The following TSNAX variants were observed in gnomAD, a reference collection of about 807,000 sequenced individuals.
The protein encoded by TSNAX is translin associated factor X.
In TSNAX, 12 loss-of-function variants were observed where a neutral mutation model predicts 33.0. The ratio of observed to expected loss-of-function variants is 0.36; its 90% CI spans 0.23 to 0.59. TSNAX has a LOEUF of 0.59. Ranked by LOEUF, TSNAX falls within the 20% of genes least tolerant of loss-of-function variation. The pLI is 0.74. For missense variants in TSNAX, 267 were observed against 341.3 expected (o/e 0.78, Z 1.72); for synonymous variants, 110 against 117.2 (o/e 0.94, Z 0.40).
rs1485228540 is a variant in TSNAX at position 231,528,833 on chromosome 1, T to A, written c.16+7T>A. ...GACATGAGCAACAAAGAAGGTGGCG[T>A]CCTTAACAACACGGGGCGTTATTTA... On this transcript the variant is annotated splice_region_variant and intron_variant, in intron 1 of 5. Coordinates refer to ENST00000366639, the MANE Select transcript of TSNAX (RefSeq NM_005999.3). The A allele has an allele frequency of 1.9e-6, 3 of 1,614,134 alleles. No individual in the cohort carries two copies. Among genetic ancestry groups the A allele is most frequent in the East Asian group, 2.2e-5 (1 of 44,876 alleles).
chr1:231,531,184 C>G (rs1311681243), intron 2 of TSNAX, among the ~76,000 whole-genome samples: 2 of 151,988 alleles, frequency 1.3e-5, no homozygotes, highest in Non-Finnish European at 2.9e-5. Flanking sequence ...GTCTTGATCT[C>G]CGAGCTCAAG....
At chr1:231,557,563 G>A (rs563312919) in intron 4 of TSNAX, among the ~76,000 whole-genome samples, 1 of 152,300 alleles carries the variant, frequency 6.6e-6, no homozygotes, top group South Asian at 2.1e-4. Context: ...AAGAAACTTA[G>A]CTCTGAGGAG....
intron 5 of TSNAX, 119 bp from the exon 6 acceptor site, chr1:231,564,409 T>G (rs753637216): frequency 2.0e-4 from 297 of 1,473,812 alleles, no homozygotes; most frequent in Non-Finnish European, 2.5e-4. Flanking sequence ...TATGACTGAT[T>G]TGCTATTGAT....
intron 4 of TSNAX, among the ~76,000 whole-genome samples, chr1:231,546,361 T>G (rs980763694): frequency 1.3e-5 from 2 of 152,232 alleles, no homozygotes; most frequent in African/African-American, 2.4e-5. Context: ...GAAAGCAAGT[T>G]TCCAGGAGCT....
chr1:231,530,749 G>A (rs184214291), intron 2 of TSNAX, among the ~76,000 whole-genome samples: 129 of 150,316 alleles, frequency 8.6e-4, no homozygotes, highest in African/African-American at 2.9e-3. Context: ...TTAGTTGGTC[G>A]TAGTGGGAGG....
chr1:231,554,377 G>A (rs907299121), intron 4 of TSNAX, among the ~76,000 whole-genome samples: 5 of 152,070 alleles, frequency 3.3e-5, no homozygotes, highest in Admixed American at 6.5e-5. Flanking sequence ...AGGAATTTAC[G>A]GGAAAAAGTT....
intron 4 of TSNAX, among the ~76,000 whole-genome samples, chr1:231,547,841 C>CTT (rs35520639): frequency 0.032 from 3,973 of 123,826 alleles, 261 homozygotes; most frequent in African/African-American, 0.11. Context: ...CCATTGCTTT[C>CTT]TTTTTTTTTT....
chr1:231,564,669 A>AC lies in TSNAX; in HGVS notation c.642dup (p.Phe215LeufsTer2), dbSNP rs749590199. On this transcript the variant is annotated frameshift_variant, in exon 6 of 6. Coordinates refer to ENST00000366639, the MANE Select transcript of TSNAX (RefSeq NM_005999.3). LOFTEE classifies it high-confidence loss of function. ...CAGTGTGGGGAATGGGGACATTGAT[A>AC]CCCCCTTTGAAGTGAGCCAGTTTTT... 2 of 1,613,834 alleles carry AC rather than the reference A, an allele frequency of 1.2e-6. No homozygotes were observed. The highest frequency in any genetic ancestry group is 1.1e-5 in the South Asian group (1 of 91,068).
chr1:231,551,171 A>AT lies in TSNAX; in HGVS notation c.367+8563dup, dbSNP rs544808560. 3.9e-3 allele frequency among the ~76,000 whole-genome samples: 587 copies of AT among 152,344 alleles called. 4 individuals carry two copies. Among genetic ancestry groups the AT allele is most frequent in the Middle Eastern group, 0.014 (4 of 294 alleles). On this transcript the variant is annotated intron_variant, in intron 4 of 5. Coordinates refer to ENST00000366639, the MANE Select transcript of TSNAX (RefSeq NM_005999.3). Reference sequence around the variant, plus strand: ...AGGTAGTTGAAAGTGCAGATGAGTTATTTAAGTGGCTATTATAAGGATTAA... The same window carrying AT: ...AGGTAGTTGAAAGTGCAGATGAGTTATTTTAAGTGGCTATTATAAGGATTAA...
At chr1:231,555,051 G>C (rs1397373653) in intron 4 of TSNAX, among the ~76,000 whole-genome samples, 1 of 152,110 alleles carries the variant, frequency 6.6e-6, no homozygotes, top group African/African-American at 2.4e-5. Context: ...TTTGTTGAGG[G>C]CTTCTGGGTG....
intron 4 of TSNAX, among the ~76,000 whole-genome samples, chr1:231,553,014 T>C (rs12077872): frequency 0.013 from 1,984 of 152,344 alleles, 35 homozygotes; most frequent in African/African-American, 0.045. Context: ...TTGGGTTGTT[T>C]ATACTTTTTG....
chr1:231,565,505 C>G lies in TSNAX; in HGVS notation c.*600C>G, dbSNP rs1196028141. The G allele has an allele frequency of 1.3e-5, 2 of 152,492 alleles. No homozygotes were observed. The highest frequency in any genetic ancestry group is 2.9e-5 in the Non-Finnish European group (2 of 68,288). 9.4% of individuals were successfully genotyped at this position (152,492 alleles called of 1,614,324 possible). Reference sequence around the variant, plus strand: ...CTTTGGGAGGCCGAGGTAGGCAGATCACGAGGTCAAGAGATCAAGACCAGC... The same window carrying G: ...CTTTGGGAGGCCGAGGTAGGCAGATGACGAGGTCAAGAGATCAAGACCAGC... On this transcript the variant is annotated 3_prime_UTR_variant, in exon 6 of 6. Transcript: ENST00000366639.
chr1:231,548,042 A>T (rs1040172838), intron 4 of TSNAX, among the ~76,000 whole-genome samples: 2 of 151,874 alleles, frequency 1.3e-5, no homozygotes, highest in Non-Finnish European at 2.9e-5. Flanking sequence ...GGGTTTCACC[A>T]TGTTAGCCAG....
chr1:231,529,264 G>C lies in TSNAX; in HGVS notation c.26G>C (p.Gly9Ala). 1 of 1,614,000 alleles carries C rather than the reference G, an allele frequency of 6.2e-7. No individual in the cohort carries two copies. Among genetic ancestry groups the C allele is most frequent in the East Asian group, 2.2e-5 (1 of 44,892 alleles). Reference sequence around the variant, plus strand: ...TTCTTCTCTATATAAGGATCAGGAGGGTTCAGGAAAAGGAAGCATGACAAT... The same window carrying C: ...TTCTTCTCTATATAAGGATCAGGAGCGTTCAGGAAAAGGAAGCATGACAAT... MSNKEGSG[G>A]FRKRKHDNFP... Residue 9 changes from glycine to alanine, a missense_variant, in exon 2 of 6, where the codon GGG becomes GCG. By Grantham distance (60) the Gly-to-Ala change is moderately conservative. This residue lies in a region of TSNAX where 200 missense variants were observed against 214.1 expected (regional missense o/e 0.93). Transcript: ENST00000366639.
intron 4 of TSNAX, among the ~76,000 whole-genome samples, chr1:231,544,194 A>G (rs757443625): frequency 3.3e-4 from 51 of 152,326 alleles, no homozygotes; most frequent in Non-Finnish European, 6.5e-4. Flanking sequence ...GTTTCTGGAA[A>G]GTGCTTGAAC....
Position 231,564,877 on chromosome 1 carries a change from T to C in TSNAX, c.845T>C (p.Met282Thr), listed in dbSNP as rs1398733775. 3 of 1,614,058 alleles carry C rather than the reference T, an allele frequency of 1.9e-6. No homozygotes were observed. The highest frequency in any genetic ancestry group is 2.5e-6 in the Non-Finnish European group (3 of 1,179,950). The change falls in exon 6 of 6, where the codon ATG becomes ACG. Residue 282 changes from methionine to threonine, a missense_variant. By Grantham distance (81) the Met-to-Thr change is moderately conservative (BLOSUM62 -1). Transcript: ENST00000366639. ...LADVFSVKTE[M>T]IDQEEGIS ...GATGTGTTTTCAGTTAAAACAGAAA[T>C]GATAGATCAAGAAGAGGGCATTTCT...
At chr1:231,550,092 A>G (rs1572130758) in intron 4 of TSNAX, among the ~76,000 whole-genome samples, 1 of 152,148 alleles carries the variant, frequency 6.6e-6, no homozygotes, top group East Asian at 1.9e-4. Flanking sequence ...ATATTCGATA[A>G]AAGTACACCT....
chr1:231,532,482 C>T (rs1658830785), intron 2 of TSNAX, among the ~76,000 whole-genome samples: 1 of 152,004 alleles, frequency 6.6e-6, no homozygotes, highest in Non-Finnish European at 1.5e-5. Flanking sequence ...CATAATCAAT[C>T]ATGCCTGGCC....
At chr1:231,547,515 C>G (rs912899029) in intron 4 of TSNAX, among the ~76,000 whole-genome samples, 2 of 150,920 alleles carry the variant, frequency 1.3e-5, no homozygotes, top group African/African-American at 4.9e-5. Flanking sequence ...CTCAGCTTCC[C>G]GAGTAGCTGG....
Sources: allele counts gnomAD v4.1 joint callset (sites outside exome capture counted in the v4.1 genomes callset), GRCh38; gene constraint gnomAD v4.1.1; regional missense constraint gnomAD v4.1.1; transcripts MANE v1.5; gene names NCBI Gene and HGNC (gene_info 2026-07-23, HGNC 2026-07-21).